COL19A1: variants seen among roughly 807,000 people sequenced by gnomAD.
COL19A1 encodes collagen alpha-1(XIX) chain.
In COL19A1, 159 loss-of-function variants were observed where a neutral mutation model predicts 190.2. The ratio of observed to expected loss-of-function variants is 0.84; its 90% CI spans 0.73 to 0.95. COL19A1 has a LOEUF of 0.95. COL19A1 is among the 40% of genes least tolerant of loss of function. The pLI is 0.00. For synonymous variants in COL19A1, 509 were observed against 458.9 expected (o/e 1.11, Z -1.39); for missense variants, 1,418 against 1,431.9 (o/e 0.99, Z 0.16).
chr6:70,176,901 C>T (rs1765845663), intron 42 of COL19A1, among the ~76,000 whole-genome samples: 1 of 152,214 alleles, frequency 6.6e-6, no homozygotes, highest in Non-Finnish European at 1.5e-5. Flanking sequence ...CAAGGTTTCT[C>T]AGTCTTCAAA....
chr6:70,186,029 T>C (rs1412799069), intron 46 of COL19A1, among the ~76,000 whole-genome samples: 1 of 152,162 alleles, frequency 6.6e-6, no homozygotes, highest in African/African-American at 2.4e-5. Flanking sequence ...CATATACTTT[T>C]CCAAAAAGGA....
chr6:70,048,692 CT>C (rs1362192938), intron 14 of COL19A1, among the ~76,000 whole-genome samples: 3 of 151,428 alleles, frequency 2.0e-5, no homozygotes, highest in South Asian at 2.1e-4. Context: ...AAGTTATTTA[CT>C]TTTGGTTTGT....
chr6:70,146,804 T>C lies in COL19A1; in HGVS notation c.1816-8T>C. 1 of 1,592,550 alleles carries C rather than the reference T, an allele frequency of 6.3e-7. No individual in the cohort carries two copies. The highest frequency in any genetic ancestry group is 8.5e-7 in the Non-Finnish European group (1 of 1,171,836). ...GCCTTGCAGTAACAGAAGCCTTTCA[T>C]TTCACAGGGTGAAAGAGGACTTCCA... On this transcript the variant is annotated splice_region_variant and splice_polypyrimidine_tract_variant and intron_variant, in intron 26 of 50. Coordinates refer to ENST00000620364, the MANE Select transcript of COL19A1 (RefSeq NM_001858.6).
chr6:69,990,410 T>C (rs1370412830), intron 11 of COL19A1, among the ~76,000 whole-genome samples: 1 of 152,098 alleles, frequency 6.6e-6, no homozygotes, highest in African/African-American at 2.4e-5. Context: ...AAATTTCCAA[T>C]AGTATCATAA....
At chr6:70,095,903 G>A (rs1783223513) in intron 15 of COL19A1, among the ~76,000 whole-genome samples, 1 of 152,062 alleles carries the variant, frequency 6.6e-6, no homozygotes, top group African/African-American at 2.4e-5. Flanking sequence ...TCCATTGTAT[G>A]TTTGTACAAC....
At chr6:70,016,399 A>AC (rs1316719422) in intron 11 of COL19A1, among the ~76,000 whole-genome samples, 1 of 129,670 alleles carries the variant, frequency 7.7e-6, no homozygotes, top group African/African-American at 3.7e-5. Flanking sequence ...TGAAAAAAAA[A>AC]AAACAAAACA....
At chr6:69,915,934 C>CTTTT (rs10707834) in intron 4 of COL19A1, among the ~76,000 whole-genome samples, 6 of 110,924 alleles carry the variant, frequency 5.4e-5, no homozygotes, top group Non-Finnish European at 5.3e-5. Flanking sequence ...CTCATCTCAT[C>CTTTT]TTTTTTTTTT....
chr6:69,985,998 T>C (rs1001989524), intron 11 of COL19A1, among the ~76,000 whole-genome samples: 5 of 152,114 alleles, frequency 3.3e-5, no homozygotes, highest in African/African-American at 1.2e-4. Flanking sequence ...ATATTCTACT[T>C]AAGGAGCTTG....
intron 17 of COL19A1, among the ~76,000 whole-genome samples, chr6:70,127,777 CACAGGA>C (rs68164627): frequency 0.28 from 42,604 of 151,774 alleles, 6,761 homozygotes; most frequent in African/African-American, 0.42. Flanking sequence ...ATGAGAATAG[CACAGGA>C]AAGACTCACA....
chr6:69,936,060 T>G (rs1300259622), intron 7 of COL19A1, among the ~76,000 whole-genome samples: 2 of 152,122 alleles, frequency 1.3e-5, no homozygotes, highest in Non-Finnish European at 2.9e-5. Flanking sequence ...AGTGGAAAAC[T>G]ATGGTGAGAA....
At chr6:69,989,582 T>TTGTTAG (rs983067171) in intron 11 of COL19A1, among the ~76,000 whole-genome samples, 1 of 144,798 alleles carries the variant, frequency 6.9e-6, no homozygotes, top group African/African-American at 2.7e-5. Context: ...TCATCAGCTA[T>TTGTTAG]TGTTAGTGTT....
chr6:70,036,799 T>C (rs1329752011), intron 14 of COL19A1, among the ~76,000 whole-genome samples: 1 of 152,162 alleles, frequency 6.6e-6, no homozygotes, highest in Non-Finnish European at 1.5e-5. Context: ...GGTCAGATTT[T>C]TAAAAGTATT....
chr6:70,128,666 A>T (rs965206050), intron 17 of COL19A1, among the ~76,000 whole-genome samples: 9 of 152,342 alleles, frequency 5.9e-5, no homozygotes, highest in African/African-American at 2.2e-4. Flanking sequence ...GGCAAGGAAG[A>T]CATTATTCAA....
intron 44 of COL19A1, among the ~76,000 whole-genome samples, chr6:70,182,702 A>G (rs749728149): frequency 6.6e-6 from 1 of 152,216 alleles, no homozygotes; most frequent in Non-Finnish European, 1.5e-5. Flanking sequence ...ACATACAGGT[A>G]AGTAATATGA....
intron 4 of COL19A1, among the ~76,000 whole-genome samples, chr6:69,912,188 G>A (rs1770975112): frequency 6.6e-6 from 1 of 152,048 alleles, no homozygotes; most frequent in Non-Finnish European, 1.5e-5. Flanking sequence ...TCTACACTAA[G>A]CCCTCACTAA....
At chr6:69,938,229 T>G (rs1283967035) in intron 9 of COL19A1, 129 bp downstream of exon 9, 6 of 838,866 alleles carry the variant, frequency 7.2e-6, no homozygotes, top group African/African-American at 1.7e-5. Flanking sequence ...AAAGACTATA[T>G]TAAAATGCTG....
intron 14 of COL19A1, among the ~76,000 whole-genome samples, chr6:70,059,183 A>T (rs1175633305): frequency 1.3e-5 from 2 of 152,170 alleles, no homozygotes; most frequent in African/African-American, 4.8e-5. Context: ...AGCAATAATC[A>T]TAACACTTAA....
intron 11 of COL19A1, among the ~76,000 whole-genome samples, chr6:69,978,022 A>G (rs970691809): frequency 3.3e-5 from 5 of 152,114 alleles, no homozygotes; most frequent in Non-Finnish European, 4.4e-5. Flanking sequence ...TTGCTCCTCA[A>G]ATTGTCACAA....
At chr6:70,168,319 T>TA in intron 39 of COL19A1, 104 bp downstream of exon 39, 1 of 1,168,960 alleles carries the variant, frequency 8.6e-7, no homozygotes, top group Admixed American at 2.3e-5. Context: ...ATGTTATGAA[T>TA]ACAGCCAAAT....
Sources: allele counts gnomAD v4.1 joint callset (sites outside exome capture counted in the v4.1 genomes callset), GRCh38; gene constraint gnomAD v4.1.1; transcripts MANE v1.5; gene names NCBI Gene and HGNC (gene_info 2026-07-23, HGNC 2026-07-21).